The following TCF7L1 variants were observed in gnomAD, a reference collection of about 807,000 sequenced individuals.
The protein encoded by TCF7L1 is transcription factor 7 like 1.
Under a neutral mutation model 63.7 loss-of-function variants are expected in TCF7L1, and 18 were observed. The observed-to-expected ratio is 0.28, with a 90% CI of 0.20 to 0.42. The LOEUF (loss-of-function observed/expected upper bound fraction) is 0.42, where lower values mean the gene tolerates loss of function less well. TCF7L1 is among the 10% of genes least tolerant of loss of function. The pLI is 1.00. For missense variants in TCF7L1, 654 were observed against 779.3 expected (o/e 0.84, Z 1.91); for synonymous variants, 355 against 340.9 (o/e 1.04, Z -0.46).
rs767579949 is a variant in TCF7L1, at chr2:85,211,610, A to G, written c.442-71885A>G. Among the ~76,000 whole-genome samples, 138 of 152,278 alleles carry G rather than the reference A, an allele frequency of 9.1e-4. 1 individual carries two copies. The highest frequency in any genetic ancestry group is 1.0e-3 in the Non-Finnish European group (68 of 68,016). Reference sequence around the variant, plus strand: ...CCTCACCTAGCTTATAATTTAGGCAAGAAGAGTTTCTGAAACCACAGACAT... The same window carrying G: ...CCTCACCTAGCTTATAATTTAGGCAGGAAGAGTTTCTGAAACCACAGACAT... On this transcript the variant is annotated intron_variant, in intron 3 of 11. Coordinates refer to ENST00000282111, the MANE Select transcript of TCF7L1 (RefSeq NM_031283.3).
At chr2:85,275,517 T>C (rs1681250475) in intron 3 of TCF7L1, among the ~76,000 whole-genome samples, 5 of 152,238 alleles carry the variant, frequency 3.3e-5, no homozygotes, top group Admixed American at 3.3e-4. Flanking sequence ...TATTCAGTTA[T>C]GAAATGCTTT....
chr2:85,230,434 A>T (rs1680051422), intron 3 of TCF7L1, among the ~76,000 whole-genome samples: 1 of 152,114 alleles, frequency 6.6e-6, no homozygotes, highest in South Asian at 2.1e-4. Context: ...CCTGGGTTCA[A>T]GTGATTTTCA....
At chr2:85,287,308 T>C (rs1573026822) in intron 4 of TCF7L1, among the ~76,000 whole-genome samples, 1 of 152,222 alleles carries the variant, frequency 6.6e-6, no homozygotes, top group African/African-American at 2.4e-5. Flanking sequence ...TTTTTGAAGC[T>C]TCCATTTTCT....
At chr2:85,278,250 C>T (rs1336826767) in intron 3 of TCF7L1, among the ~76,000 whole-genome samples, 1 of 152,154 alleles carries the variant, frequency 6.6e-6, no homozygotes, top group Non-Finnish European at 1.5e-5. Flanking sequence ...GTGCTCGCCC[C>T]AAGGAGGGCT....
rs1331670355 is a variant in TCF7L1, at chr2:85,305,134, A to G, written c.846-126A>G. On this transcript the variant is annotated intron_variant, in intron 7 of 11. Transcript: ENST00000282111. ...TCTAGAAGACGACAAATAGCCTTCT[A>G]GTCCTGAGACTCTGCCCCACGGACA... 6 of 1,280,506 alleles carry G rather than the reference A, an allele frequency of 4.7e-6. No homozygotes were observed. The African/African-American group carries it at 8.8e-5, about 19-fold the overall frequency. 79.3% of individuals were successfully genotyped at this position (1,280,506 alleles called of 1,614,324 possible).
At position 85,241,431 on chromosome 2, in the gene TCF7L1, G is replaced by GTTTTTTTTTTTTTT. The variant is rs1273488175; in HGVS notation, c.442-42059_442-42058insTTTTTTTTTTTTTT. Among the ~76,000 whole-genome samples, 19 of 68,786 alleles carry GTTTTTTTTTTTTTT rather than the reference G, an allele frequency of 2.8e-4. 5 individuals carry two copies. Among genetic ancestry groups the GTTTTTTTTTTTTTT allele is most frequent in the African/African-American group, 9.4e-4 (18 of 19,250 alleles). 45.1% of individuals were successfully genotyped at this position (68,786 alleles called of 152,430 possible). A position where few individuals can be genotyped will look rare whatever the true frequency, so the allele number is the denominator to read the frequency against. On this transcript the variant is annotated intron_variant, in intron 3 of 11. Coordinates refer to ENST00000282111, the MANE Select transcript of TCF7L1 (RefSeq NM_031283.3). The stretch of plus-strand genomic sequence containing the variant: ...TGATCCAGAGGACTGGATGCACTTT[G>GTTTTTTTTTTTTTT]TTTTTGTTTTTTTTTTTTTTTTTTT...
At chr2:85,180,836 G>A (rs1197674380) in intron 3 of TCF7L1, among the ~76,000 whole-genome samples, 1 of 152,198 alleles carries the variant, frequency 6.6e-6, no homozygotes, top group Non-Finnish European at 1.5e-5. Context: ...GAGGTGCTGG[G>A]AGGTTGCATG....
intron 3 of TCF7L1, among the ~76,000 whole-genome samples, chr2:85,221,913 A>C (rs374806551): frequency 6.4e-4 from 95 of 148,824 alleles, no homozygotes; most frequent in African/African-American, 2.4e-3. Context: ...TGAGGATATG[A>C]TTAGCAAAAT....
chr2:85,134,306 C>A lies in TCF7L1; in HGVS notation c.314-17C>A. 6.3e-7 allele frequency: 1 copy of A among 1,575,048 alleles called. No homozygotes were observed. The stretch of plus-strand genomic sequence containing the variant: ...CCCGGGGGCCTGGGCCTCACCTCGC[C>A]TTGGTCTTGTTCGCAGTGAGAAGGC... On this transcript the variant is annotated splice_polypyrimidine_tract_variant and intron_variant, in intron 2 of 11. Transcript: ENST00000282111. This position sits in a 1 kb window ranked among gnomAD's most constrained non-coding sequence, Gnocchi z 5.0.
chr2:85,307,531 G>C, intron 10 of TCF7L1, 111 bp from the exon 11 acceptor site: 1 of 837,092 alleles, frequency 1.2e-6, no homozygotes, highest in South Asian at 1.5e-5. Context: ...TCTCCCTGAG[G>C]GATCGAGAGC....
At position 85,133,727 on chromosome 2, in the gene TCF7L1, A is replaced by G. The variant is rs867365963; in HGVS notation, c.43A>G (p.Ser15Gly). ...GGGGGGGGGG[S>G]GGGGGSSAGA... is the part of the protein sequence containing the mutation. ...CGGGGGCGGCGGCGGCGGCGGCGGC[A>G]GCGGGGGAGGCGGCGGCTCCAGCGC... Residue 15 changes from serine to glycine, a missense_variant, in exon 1 of 12, where the codon AGC (serine) becomes GGC (glycine). Physicochemically the swap from Ser to Gly is moderately conservative, Grantham distance 56 (BLOSUM62 0). Coordinates refer to ENST00000282111, the MANE Select transcript of TCF7L1 (RefSeq NM_031283.3). This position sits in a 1 kb window ranked among gnomAD's most constrained non-coding sequence, Gnocchi z 4.4. 206 of 1,180,392 alleles carry G rather than the reference A, an allele frequency of 1.7e-4. 1 individual carries two copies. The African/African-American group carries it at 2.7e-3, about 16-fold the overall frequency. 73.1% of individuals were successfully genotyped at this position (1,180,392 alleles called of 1,614,324 possible). A position where few individuals can be genotyped will look rare whatever the true frequency, so the allele number is the denominator to read the frequency against.
chr2:85,305,447 G>A, intron 8 of TCF7L1, 44 bp downstream of exon 8: 4 of 1,566,430 alleles, frequency 2.6e-6, no homozygotes, highest in Non-Finnish European at 3.5e-6. Flanking sequence ...GGTGCAGGCT[G>A]TGGGGAGGGG....
intron 3 of TCF7L1, among the ~76,000 whole-genome samples, chr2:85,174,504 G>A (rs913644193): frequency 1.3e-5 from 2 of 152,128 alleles, no homozygotes; most frequent in Admixed American, 6.5e-5. Context: ...CTGGCAGGTG[G>A]GTATGAGGCT....
chr2:85,237,944 G>A (rs1224727127), intron 3 of TCF7L1, among the ~76,000 whole-genome samples: 2 of 152,056 alleles, frequency 1.3e-5, no homozygotes, highest in African/African-American at 4.8e-5. Flanking sequence ...AAAGAGGAAA[G>A]TGACGCAGGG....
At chr2:85,284,210 CTG>C (rs1681488219) in intron 4 of TCF7L1, among the ~76,000 whole-genome samples, 1 of 152,202 alleles carries the variant, frequency 6.6e-6, no homozygotes, top group Admixed American at 6.5e-5. Flanking sequence ...CGGTGTTTCA[CTG>C]TGTTAGCCAG....
chr2:85,297,613 C>G (rs1681861517), intron 4 of TCF7L1, among the ~76,000 whole-genome samples: 1 of 152,102 alleles, frequency 6.6e-6, no homozygotes, highest in Admixed American at 6.6e-5. Context: ...ATTGCTTAGT[C>G]CAGGAGCTCA....
chr2:85,167,797 G>A (rs1461896826), intron 3 of TCF7L1, among the ~76,000 whole-genome samples: 1 of 152,138 alleles, frequency 6.6e-6, no homozygotes, highest in South Asian at 2.1e-4. Context: ...CCAGGAGGTC[G>A]AGGCTGCAGT....
rs550195139 is a variant in TCF7L1, at chr2:85,253,387, G to T, written c.442-30108G>T. ...GGGCGGGGGCGGGGAGGTCTGGTCTGTTGGCTGTTTGACCCATTTGGTTAC... is the reference window on the plus strand; with the variant it reads ...GGGCGGGGGCGGGGAGGTCTGGTCTTTTGGCTGTTTGACCCATTTGGTTAC... On this transcript the variant is annotated intron_variant, in intron 3 of 11. Coordinates refer to ENST00000282111, the MANE Select transcript of TCF7L1 (RefSeq NM_031283.3). 6.4e-4 allele frequency among the ~76,000 whole-genome samples: 98 copies of T among 152,170 alleles called. 1 individual carries two copies. Among genetic ancestry groups the T allele is most frequent in the Non-Finnish European group, 8.5e-4 (58 of 68,044 alleles).
chr2:85,160,413 TG>T (rs1179012113), intron 3 of TCF7L1, among the ~76,000 whole-genome samples: 1 of 152,172 alleles, frequency 6.6e-6, no homozygotes, highest in Non-Finnish European at 1.5e-5. Context: ...TTAGTAGAGA[TG>T]GGGTTTCACC....
Sources: gnomAD v4.1 joint callset for allele counts (sites outside exome capture counted in the v4.1 genomes callset) on GRCh38, gnomAD v4.1.1 for gene constraint, Gnocchi (gnomAD v3.1) non-coding constraint, MANE v1.5 for transcripts, NCBI Gene and HGNC (gene_info 2026-07-23, HGNC 2026-07-21) for gene names.